The following UBA6 variants were observed in gnomAD, a reference collection of about 807,000 sequenced individuals.
UBA6 encodes ubiquitin like modifier activating enzyme 6, also known as ubiquitin-like modifier-activating enzyme 6.
In UBA6, 87 loss-of-function variants were observed where a neutral mutation model predicts 148.3. The observed-to-expected ratio is 0.59, with a 90% confidence interval of 0.49 to 0.70. The LOEUF (loss-of-function observed/expected upper bound fraction) is 0.70, where lower values mean the gene tolerates loss of function less well. Among genes scored for constraint, UBA6 ranks in the 30% least tolerant of loss-of-function variants. The pLI, the probability that UBA6 is intolerant of heterozygous loss-of-function variation, is 0.00. For synonymous variants in UBA6, 376 were observed against 401.0 expected (o/e 0.94, Z 0.75); for missense variants, 1,186 against 1,241.2 (o/e 0.96, Z 0.67).
At chr4:67,643,443 G>A (rs895322403) in intron 17 of UBA6, among the ~76,000 whole-genome samples, 2 of 151,894 alleles carry the variant, frequency 1.3e-5, no homozygotes, top group African/African-American at 4.8e-5. Context: ...GTAAGTTTTA[G>A]TGGTCTTAAA....
intron 22 of UBA6, among the ~76,000 whole-genome samples, chr4:67,633,976 T>C (rs564529104): frequency 6.6e-5 from 10 of 152,100 alleles, no homozygotes; most frequent in Non-Finnish European, 1.5e-4. Context: ...GTAGCCCTTC[T>C]ATCATAATTA....
At chr4:67,679,354 T>C (rs1730373532) in intron 4 of UBA6, among the ~76,000 whole-genome samples, 1 of 152,138 alleles carries the variant, frequency 6.6e-6, no homozygotes, top group Admixed American at 6.6e-5. Flanking sequence ...AAATACTTTG[T>C]TTAAAAAATC....
chr4:67,621,651 A>T (rs1728754244), intron 32 of UBA6, among the ~76,000 whole-genome samples: 1 of 152,034 alleles, frequency 6.6e-6, no homozygotes, highest in Non-Finnish European at 1.5e-5. Context: ...AAAAATACAA[A>T]AATTAGCCAG....
intron 2 of UBA6, 117 bp downstream of exon 2, chr4:67,696,518 TACACACACAC>T (rs4058361): frequency 1.1e-4 from 62 of 566,556 alleles, no homozygotes; most frequent in African/African-American, 7.4e-4. Flanking sequence ...CATATATACA[TACACACACAC>T]ACACACACAC....
intron 15 of UBA6, 39 bp downstream of exon 15, chr4:67,646,685 T>C (rs763176263): frequency 6.7e-7 from 1 of 1,494,570 alleles, no homozygotes; most frequent in Non-Finnish European, 9.2e-7. Flanking sequence ...TTAAAATCTA[T>C]TTGCCTGTTA....
chr4:67,668,794 C>G (rs1344065305), intron 8 of UBA6, 120 bp from the exon 9 acceptor site: 2 of 881,660 alleles, frequency 2.3e-6, no homozygotes, highest in Non-Finnish European at 3.4e-6. Flanking sequence ...AAATTCTAAG[C>G]TATTCTTCTG....
chr4:67,641,254 A>T, intron 17 of UBA6, 26 bp from the exon 18 acceptor site: 3 of 1,307,008 alleles, frequency 2.3e-6, no homozygotes, highest in Non-Finnish European at 3.3e-6. Flanking sequence ...TATGGCTGAA[A>T]TTACATAATG....
intron 13 of UBA6, 56 bp downstream of exon 13, chr4:67,662,133 G>A: frequency 1.3e-6 from 2 of 1,518,700 alleles, no homozygotes; most frequent in Non-Finnish European, 1.8e-6. Flanking sequence ...CTAATATACA[G>A]AACACTTATG....
chr4:67,664,435 A>C (rs1729940854), intron 10 of UBA6, among the ~76,000 whole-genome samples: 1 of 151,996 alleles, frequency 6.6e-6, no homozygotes, highest in African/African-American at 2.4e-5. Context: ...ATAGTATTTT[A>C]ATTTTTTTTT....
chr4:67,681,600 G>T lies in UBA6; in HGVS notation c.230-9C>A. 1 of 1,575,248 alleles carries T rather than the reference G, an allele frequency of 6.3e-7. No individual in the cohort carries two copies. Among genetic ancestry groups the T allele is most frequent in the Non-Finnish European group, 8.6e-7 (1 of 1,164,964 alleles). On this transcript the variant is annotated splice_polypyrimidine_tract_variant and intron_variant, in intron 3 of 32. Coordinates refer to ENST00000322244, the MANE Select transcript of UBA6 (RefSeq NM_018227.6). ...AAGAACAAGATTCTTTGCTAGAAAG[G>T]CAAAAGAAAAAGGAATAGCTCAATA... is the stretch of plus-strand genomic sequence containing the variant.
chr4:67,636,765 G>C (rs1729153844), intron 19 of UBA6, among the ~76,000 whole-genome samples: 1 of 152,190 alleles, frequency 6.6e-6, no homozygotes, highest in Non-Finnish European at 1.5e-5. Context: ...CCAGCCGCCT[G>C]CCTTGGCCTC....
At chr4:67,676,223 C>T (rs1730277435) in intron 6 of UBA6, among the ~76,000 whole-genome samples, 1 of 152,000 alleles carries the variant, frequency 6.6e-6, no homozygotes, top group Non-Finnish European at 1.5e-5. Context: ...AGGGTTTCTC[C>T]ATGTTGGTCA....
chr4:67,621,005 A>G (rs1381715079), intron 32 of UBA6, among the ~76,000 whole-genome samples: 3 of 152,226 alleles, frequency 2.0e-5, no homozygotes, highest in Non-Finnish European at 2.9e-5. Flanking sequence ...CAATGTAATA[A>G]AATGAAAAAT....
At chr4:67,626,042 TA>T (rs1728859503) in intron 28 of UBA6, among the ~76,000 whole-genome samples, 1 of 151,930 alleles carries the variant, frequency 6.6e-6, no homozygotes, top group Admixed American at 6.6e-5. Flanking sequence ...TTTAATTCCT[TA>T]AAAACAGAGC....
chr4:67,666,402 T>C (rs966303374), intron 9 of UBA6, among the ~76,000 whole-genome samples: 1 of 150,754 alleles, frequency 6.6e-6, no homozygotes, highest in Non-Finnish European at 1.5e-5. Context: ...TATGTGTATA[T>C]ATAGTAAACA....
At chr4:67,625,818 A>C (rs1728853792) in intron 28 of UBA6, among the ~76,000 whole-genome samples, 1 of 152,086 alleles carries the variant, frequency 6.6e-6, no homozygotes, top group East Asian at 1.9e-4. Context: ...GCTTTTAAGG[A>C]ATTAAAAATT....
In UBA6 at chr4:67,673,766, C is replaced by A; in HGVS notation, c.477G>T (p.Leu159Phe). 2 of 1,607,940 alleles carry A rather than the reference C, an allele frequency of 1.2e-6. No homozygotes were observed. Among genetic ancestry groups the A allele is most frequent in the South Asian group, 2.2e-5 (2 of 90,276 alleles). Residue 159 changes from leucine to phenylalanine, a missense_variant, in exon 7 of 33, where the codon TTG becomes TTT. Leu to Phe is a conservative substitution (Grantham distance 22). Transcript: ENST00000322244. ...SFLDKYQCVVLTEMKLPLQKK... is the reference protein window; with the variant it reads ...SFLDKYQCVVFTEMKLPLQKK... ...TCTGCAATGGAAGTTTCATCTCAGTCAATACTACACACTGTTGAGAAAACA... is the reference window on the plus strand; with the variant it reads ...TCTGCAATGGAAGTTTCATCTCAGTAAATACTACACACTGTTGAGAAAACA...
At chr4:67,657,751 G>A (rs1577815404) in intron 13 of UBA6, among the ~76,000 whole-genome samples, 1 of 149,572 alleles carries the variant, frequency 6.7e-6, no homozygotes, top group Non-Finnish European at 1.5e-5. Context: ...CTACAGAATG[G>A]GAGAAAATTT....
At chr4:67,663,098 T>C (rs1430985276) in intron 12 of UBA6, 41 bp downstream of exon 12, 2 of 1,479,040 alleles carry the variant, frequency 1.4e-6, no homozygotes, top group South Asian at 2.4e-5. Flanking sequence ...CTACTACTTT[T>C]ATAAAAAGGA....
Sources: gnomAD v4.1 joint callset for allele counts (sites outside exome capture counted in the v4.1 genomes callset) on GRCh38, gnomAD v4.1.1 for gene constraint, MANE v1.5 for transcripts, NCBI Gene and HGNC (gene_info 2026-07-23, HGNC 2026-07-21) for gene names.